Variants in NCOR2 observed in about 807,000 individuals in gnomAD.
The protein encoded by NCOR2 is CTG repeat protein 26.
Under a neutral mutation model 262.9 loss-of-function variants are expected in NCOR2, and 81 were observed. The observed-to-expected ratio is 0.31, with a 90% CI of 0.26 to 0.37. The LOEUF (loss-of-function observed/expected upper bound fraction) is 0.37. Among genes scored for constraint, NCOR2 ranks in the 10% least tolerant of loss-of-function variants. The pLI is 1.00. For missense variants in NCOR2, 3,385 were observed against 3,621.4 expected, an observed-to-expected ratio of 0.93 and a Z score of 1.68; for synonymous variants, 1,659 against 1,559.3, an observed-to-expected ratio of 1.06 and a Z score of -1.51.
At chr12:124,565,032 G>A (rs1341941918) in intron 1 of NCOR2, among the ~76,000 whole-genome samples, 1 of 151,678 alleles carries the variant, frequency 6.6e-6, no homozygotes, top group Non-Finnish European at 1.5e-5. Context: ...ATTATTAATT[G>A]GGGAAAAAGA....
intron 3 of NCOR2, among the ~76,000 whole-genome samples, chr12:124,474,995 T>C (rs1171930257): frequency 1.3e-5 from 2 of 152,048 alleles, no homozygotes; most frequent in African/African-American, 4.8e-5. Flanking sequence ...AGAGGCTGCA[T>C]CATCTTCTGT....
chr12:124,336,294 G>C (rs1337745563), intron 38 of NCOR2: 1 of 166,622 alleles, frequency 6.0e-6, no homozygotes, highest in African/African-American at 2.4e-5. Context: ...GCGTAGGCCC[G>C]AGCCCTCCCG....
At chr12:124,404,220 G>A (rs1345619683) in intron 13 of NCOR2, among the ~76,000 whole-genome samples, 1 of 152,218 alleles carries the variant, frequency 6.6e-6, no homozygotes, top group East Asian at 1.9e-4. Context: ...AGGGAGGAGT[G>A]ATGTGGCTGG....
Position 124,372,307 on chromosome 12 carries a change from TC to T in NCOR2, c.2521del (p.Glu841ArgfsTer123). ...CTCAGCCGCGGGGGGCTTCTGCTCC[TC>T]CCCCTCCTCCACTGGGGGCGCTGCT... On this transcript the variant is annotated frameshift_variant, in exon 20 of 47. Transcript: ENST00000405201. LOFTEE classifies it high-confidence loss of function. The T allele has an allele frequency of 6.5e-7, 1 of 1,528,614 alleles. No individual in the cohort carries two copies. 94.7% of individuals were successfully genotyped at this position (1,528,614 alleles called of 1,614,324 possible). A position where few individuals can be genotyped will look rare whatever the true frequency, so the allele number is the denominator to read the frequency against.
At chr12:124,551,932 G>C (rs1327993933) in intron 1 of NCOR2, among the ~76,000 whole-genome samples, 1 of 152,186 alleles carries the variant, frequency 6.6e-6, no homozygotes, top group African/African-American at 2.4e-5. Flanking sequence ...ATCAACTGTG[G>C]CTTGTCATGA....
At chr12:124,423,260 G>T (rs1400991645) in intron 11 of NCOR2, among the ~76,000 whole-genome samples, 1 of 152,216 alleles carries the variant, frequency 6.6e-6, no homozygotes, top group Non-Finnish European at 1.5e-5. Flanking sequence ...TCCACCCCAG[G>T]GGTGCTGGGT....
At chr12:124,414,810 G>T (rs1012102902) in intron 13 of NCOR2, among the ~76,000 whole-genome samples, 2 of 152,194 alleles carry the variant, frequency 1.3e-5, no homozygotes, top group African/African-American at 4.8e-5. Flanking sequence ...CCCATGTCAC[G>T]GTAGGGGGAA....
chr12:124,558,448 T>A (rs959736258), intron 1 of NCOR2, among the ~76,000 whole-genome samples: 3 of 152,156 alleles, frequency 2.0e-5, no homozygotes, highest in Non-Finnish European at 2.9e-5. Flanking sequence ...GTCAAGTCAC[T>A]CTAGCTGCTG....
At chr12:124,456,428 G>A (rs952043316) in intron 6 of NCOR2, among the ~76,000 whole-genome samples, 1 of 152,178 alleles carries the variant, frequency 6.6e-6, no homozygotes, top group Non-Finnish European at 1.5e-5. Flanking sequence ...GAGGCCTGGG[G>A]CCTGCTTTCC....
chr12:124,559,751 A>G (rs1363079633), intron 1 of NCOR2, among the ~76,000 whole-genome samples: 1 of 152,260 alleles, frequency 6.6e-6, no homozygotes, highest in Non-Finnish European at 1.5e-5. Flanking sequence ...GATAAAGCCA[A>G]AACATAAACC....
At chr12:124,395,738 A>G (rs1318461471) in intron 16 of NCOR2, among the ~76,000 whole-genome samples, 2 of 152,106 alleles carry the variant, frequency 1.3e-5, no homozygotes, top group East Asian at 1.9e-4. Flanking sequence ...TAGTGACAAC[A>G]CGAGACACGA....
chr12:124,412,749 G>A (rs372591441), intron 13 of NCOR2, among the ~76,000 whole-genome samples: 2 of 152,250 alleles, frequency 1.3e-5, no homozygotes, highest in Non-Finnish European at 2.9e-5. Context: ...CTAGACCAAC[G>A]CCTGGGAGCT....
chr12:124,343,374 T>G, intron 32 of NCOR2, 148 bp from the exon 35 acceptor site: 1 of 623,516 alleles, frequency 1.6e-6, no homozygotes. Context: ...TTTTGCTCAC[T>G]GACTCATTTG....
At chr12:124,325,763 G>A (rs1393777995) in intron 46 of NCOR2, among the ~76,000 whole-genome samples, 180 bp from the exon 49 acceptor site, 1 of 152,112 alleles carries the variant, frequency 6.6e-6, no homozygotes, top group Non-Finnish European at 1.5e-5. Flanking sequence ...TTCTACTTCC[G>A]TCCCTGTTCA....
intron 7 of NCOR2, among the ~76,000 whole-genome samples, chr12:124,446,330 A>G: frequency 6.6e-6 from 1 of 152,160 alleles, no homozygotes; most frequent in Non-Finnish European, 1.5e-5. Context: ...GTGAACTTTT[A>G]AAACAAAAGT....
At position 124,386,301 on chromosome 12, in the gene NCOR2, C is replaced by T. The variant is rs575067082; in HGVS notation, c.1877-414G>A. On this transcript the variant is annotated intron_variant, in intron 16 of 46. Coordinates refer to ENST00000405201, the Ensembl canonical transcript of NCOR2. ...GAGGGCCTGGCCTACGTGACCCAGC[C>T]CTGACACTCGCTCACAGCTGCAGGC... is the stretch of plus-strand genomic sequence containing the variant. Among the ~76,000 whole-genome samples, 10 of 152,050 alleles carry T rather than the reference C, an allele frequency of 6.6e-5. No individual in the cohort carries two copies. In the South Asian group the frequency reaches 2.1e-3, roughly 32 times the overall value.
chr12:124,430,805 G>C lies in NCOR2; in HGVS notation c.883-18C>G. The stretch of plus-strand genomic sequence containing the variant: ...TTCTGCTCCTGGGAGAGCGCAGGGG[G>C]CACTGCGGAAGATGCTCCTGCACCT... On this transcript the variant is annotated intron_variant, in intron 8 of 46. Transcript: ENST00000405201. 6.3e-7 allele frequency: 1 copy of C among 1,589,140 alleles called. No individual in the cohort carries two copies. Among genetic ancestry groups the C allele is most frequent in the Non-Finnish European group, 8.6e-7 (1 of 1,165,304 alleles).
intron 16 of NCOR2, among the ~76,000 whole-genome samples, chr12:124,391,468 G>T (rs1178848535): frequency 1.3e-5 from 2 of 149,148 alleles, no homozygotes; most frequent in Non-Finnish European, 3.0e-5. Flanking sequence ...CCTGAGTCAT[G>T]CCACTTCCTC....
intron 37 of NCOR2, among the ~76,000 whole-genome samples, chr12:124,338,245 C>T (rs1440177421): frequency 3.3e-5 from 5 of 152,160 alleles, no homozygotes; most frequent in African/African-American, 4.8e-5. Context: ...CGGTGGCGCA[C>T]GCCTGTAATC....
Sources: gnomAD v4.1 joint callset for allele counts (sites outside exome capture counted in the v4.1 genomes callset) on GRCh38, gnomAD v4.1.1 for gene constraint, MANE v1.5 for transcripts, NCBI Gene and HGNC (gene_info 2026-07-23, HGNC 2026-07-21) for gene names.